SLC35F3: variants seen among roughly 807,000 people sequenced by gnomAD.
SLC35F3 encodes the protein putative thiamine transporter SLC35F3.
A neutral mutation model predicts 49.9 loss-of-function variants in SLC35F3; 25 were observed. That is an observed-to-expected ratio of 0.50 (90% confidence interval 0.37 to 0.70). SLC35F3 has a LOEUF of 0.70. Ranked by LOEUF, SLC35F3 falls within the 30% of genes least tolerant of loss-of-function variation. SLC35F3 has a pLI of 0.00. For missense variants in SLC35F3, 525 were observed against 639.8 expected, an observed-to-expected ratio of 0.82 and a Z score of 1.94; for synonymous variants, 275 against 265.4, an observed-to-expected ratio of 1.04 and a Z score of -0.35.
At chr1:233,909,996 C>G (rs1465434349) in intron 2 of SLC35F3, among the ~76,000 whole-genome samples, 1 of 152,180 alleles carries the variant, frequency 6.6e-6, no homozygotes, top group Non-Finnish European at 1.5e-5. Flanking sequence ...TAATCATCAC[C>G]ACTGGCAGTG....
At chr1:234,162,145 G>A (rs1323499466) in intron 2 of SLC35F3, among the ~76,000 whole-genome samples, 5 of 151,988 alleles carry the variant, frequency 3.3e-5, no homozygotes, top group South Asian at 4.2e-4. Context: ...TGTGCTCCTC[G>A]GTGCCAGCCC....
At chr1:233,926,294 T>C (rs532735549) in intron 2 of SLC35F3, among the ~76,000 whole-genome samples, 2 of 152,330 alleles carry the variant, frequency 1.3e-5, no homozygotes, top group African/African-American at 4.8e-5. Flanking sequence ...TTTGGTCTTT[T>C]CACATAGTCT....
chr1:234,175,931 C>G (rs533767113), intron 2 of SLC35F3, among the ~76,000 whole-genome samples: 3 of 152,274 alleles, frequency 2.0e-5, no homozygotes, highest in East Asian at 3.9e-4. Flanking sequence ...GGTCCCTGGC[C>G]TCCAATCTTT....
At chr1:234,013,249 G>T (rs1443352571) in intron 2 of SLC35F3, among the ~76,000 whole-genome samples, 3 of 151,930 alleles carry the variant, frequency 2.0e-5, no homozygotes, top group Non-Finnish European at 4.4e-5. Context: ...AGTCAAAGAA[G>T]AAATCAAAAG....
chr1:234,044,327 G>C (rs992751014), intron 2 of SLC35F3, among the ~76,000 whole-genome samples: 1 of 152,030 alleles, frequency 6.6e-6, no homozygotes, highest in African/African-American at 2.4e-5. Context: ...CCAGCCTCAG[G>C]GATTCTGTTA....
At chr1:234,091,325 C>A (rs528784906) in intron 2 of SLC35F3, among the ~76,000 whole-genome samples, 61 of 152,314 alleles carry the variant, frequency 4.0e-4, no homozygotes, top group African/African-American at 1.4e-3. Flanking sequence ...CTTTAATGGA[C>A]AAAAACCAAG....
intron 2 of SLC35F3, among the ~76,000 whole-genome samples, chr1:233,908,407 T>G (rs992680950): frequency 6.6e-6 from 1 of 152,146 alleles, no homozygotes; most frequent in Non-Finnish European, 1.5e-5. Context: ...CATTTTTAGA[T>G]TTTGTTTGGG....
chr1:234,235,660 C>T (rs998474428), intron 3 of SLC35F3, among the ~76,000 whole-genome samples: 1 of 152,190 alleles, frequency 6.6e-6, no homozygotes, highest in Middle Eastern at 3.2e-3. Flanking sequence ...TGCTATCATG[C>T]AGCTGCCAAA....
chr1:234,022,436 G>A (rs1222819649), intron 2 of SLC35F3, among the ~76,000 whole-genome samples: 1 of 149,242 alleles, frequency 6.7e-6, no homozygotes, highest in African/African-American at 2.5e-5. Context: ...CCATATGGAG[G>A]CAGAATTCCC....
rs1352256091 is a variant in SLC35F3, at chr1:234,143,288, C to CT, written c.284-88112dup. On this transcript the variant is annotated intron_variant, in intron 2 of 7. Transcript: ENST00000366618. ...GAGTTTGACTCTTTTCTTTTCTTTT[C>CT]TTTTTTTTTTTTTTTTTGAGATAAA... is the stretch of plus-strand genomic sequence containing the variant. Among the ~76,000 whole-genome samples the CT allele has an allele frequency of 5.6e-3, 687 of 123,536 alleles. 6 individuals are homozygous for CT. In the Middle Eastern group the frequency reaches 0.059, roughly 11 times the overall value. 81.0% of individuals were successfully genotyped at this position (123,536 alleles called of 152,430 possible).
intron 2 of SLC35F3, among the ~76,000 whole-genome samples, chr1:234,229,114 T>C (rs974172186): frequency 1.3e-5 from 2 of 152,180 alleles, no homozygotes; most frequent in African/African-American, 4.8e-5. Flanking sequence ...ATTTAAATAA[T>C]ATGGGAAGCA....
chr1:234,265,537 T>A (rs1667966404), intron 3 of SLC35F3, among the ~76,000 whole-genome samples: 1 of 152,076 alleles, frequency 6.6e-6, no homozygotes, highest in Non-Finnish European at 1.5e-5. Context: ...GGACCCCTTT[T>A]GACTGTACTT....
At chr1:233,935,047 ATGTT>A (rs1345339771) in intron 2 of SLC35F3, among the ~76,000 whole-genome samples, 1 of 151,682 alleles carries the variant, frequency 6.6e-6, no homozygotes, top group Non-Finnish European at 1.5e-5. Context: ...TATGTTATGT[ATGTT>A]TACTTGCTTT....
intron 4 of SLC35F3, among the ~76,000 whole-genome samples, chr1:234,314,954 TC>T (rs1348778895): frequency 6.6e-6 from 1 of 152,150 alleles, no homozygotes; most frequent in South Asian, 2.1e-4. Flanking sequence ...ACCAACCCTT[TC>T]CCCACCTGCT....
At chr1:233,965,236 G>A (rs1018311223) in intron 2 of SLC35F3, among the ~76,000 whole-genome samples, 1 of 152,186 alleles carries the variant, frequency 6.6e-6, no homozygotes, top group South Asian at 2.1e-4. Flanking sequence ...AGAAGGAAGG[G>A]ACCAAAGATA....
chr1:233,941,377 T>G (rs987898696), intron 2 of SLC35F3, among the ~76,000 whole-genome samples: 2 of 152,340 alleles, frequency 1.3e-5, no homozygotes, highest in Middle Eastern at 3.4e-3. Flanking sequence ...AAGGGATATG[T>G]CTTTAAGGCT....
At chr1:234,196,109 C>T (rs1666806321) in intron 2 of SLC35F3, among the ~76,000 whole-genome samples, 2 of 152,120 alleles carry the variant, frequency 1.3e-5, no homozygotes, top group Admixed American at 1.3e-4. Context: ...AAACTGAGAA[C>T]TAGGGATGGG....
chr1:234,066,056 G>A (rs1197755138), intron 2 of SLC35F3, among the ~76,000 whole-genome samples: 1 of 152,164 alleles, frequency 6.6e-6, no homozygotes, highest in Non-Finnish European at 1.5e-5. Flanking sequence ...TCTGGTATCC[G>A]TATCAATGGG....
chr1:233,929,121 C>CT (rs1487309207), intron 2 of SLC35F3, among the ~76,000 whole-genome samples: 1 of 116,808 alleles, frequency 8.6e-6, no homozygotes, highest in Admixed American at 1.1e-4. Flanking sequence ...CCATGGCAAT[C>CT]TGCAAATATA....
Sources: allele counts gnomAD v4.1 joint callset (sites outside exome capture counted in the v4.1 genomes callset), GRCh38; gene constraint gnomAD v4.1.1; transcripts MANE v1.5; gene names NCBI Gene and HGNC (gene_info 2026-07-23, HGNC 2026-07-21).